Variants in EXOC6B observed in about 807,000 individuals in gnomAD.
EXOC6B encodes the protein SEC15 homolog B.
Under a neutral mutation model 113.5 loss-of-function variants are expected in EXOC6B, and 54 were observed. That is an observed-to-expected ratio of 0.48 (90% CI 0.38 to 0.60). EXOC6B has a LOEUF of 0.60. Among genes scored for constraint, EXOC6B ranks in the 20% least tolerant of loss-of-function variants. The pLI, the probability that EXOC6B is intolerant of heterozygous loss-of-function variation, is 0.00. For synonymous variants in EXOC6B, 357 were observed against 339.0 expected, an observed-to-expected ratio of 1.05 and a Z score of -0.58; for missense variants, 797 against 977.5, an observed-to-expected ratio of 0.82 and a Z score of 2.46.
intron 19 of EXOC6B, among the ~76,000 whole-genome samples, chr2:72,364,440 A>C (rs1243868523): frequency 6.6e-6 from 1 of 152,116 alleles, no homozygotes; most frequent in Non-Finnish European, 1.5e-5. Context: ...AGCCCTTCAA[A>C]TGTTGGCTTC....
At chr2:72,353,349 G>T (rs1195031092) in intron 19 of EXOC6B, among the ~76,000 whole-genome samples, 3 of 142,260 alleles carry the variant, frequency 2.1e-5, no homozygotes, top group Admixed American at 6.8e-5. Context: ...TTTATATTTT[G>T]TTGTATTGTA....
chr2:72,246,927 C>G (rs755547366), intron 20 of EXOC6B, among the ~76,000 whole-genome samples: 1 of 152,102 alleles, frequency 6.6e-6, no homozygotes, highest in Non-Finnish European at 1.5e-5. Flanking sequence ...AAAGAGATGG[C>G]CTTCTAAGAA....
intron 7 of EXOC6B, among the ~76,000 whole-genome samples, chr2:72,569,593 C>T (rs1704400038): frequency 6.6e-6 from 1 of 152,150 alleles, no homozygotes; most frequent in African/African-American, 2.4e-5. Context: ...ATTGTGTAGG[C>T]CAACAACCAG....
chr2:72,223,326 T>C (rs554970315), intron 20 of EXOC6B, among the ~76,000 whole-genome samples: 1 of 152,126 alleles, frequency 6.6e-6, no homozygotes, highest in Admixed American at 6.5e-5. Flanking sequence ...AACCACCAAG[T>C]TATGAGTGCA....
intron 8 of EXOC6B, among the ~76,000 whole-genome samples, chr2:72,516,077 T>C (rs1009121106): frequency 7.9e-5 from 12 of 152,154 alleles, no homozygotes; most frequent in Admixed American, 3.3e-4. Context: ...ATGGCCCTTA[T>C]CATGCCTTGA....
At chr2:72,481,895 A>G (rs1363759770) in intron 16 of EXOC6B, among the ~76,000 whole-genome samples, 1 of 152,242 alleles carries the variant, frequency 6.6e-6, no homozygotes, top group Admixed American at 6.5e-5. Context: ...TTGTCTGTAT[A>G]GAATTAAGGA....
intron 18 of EXOC6B, chr2:72,463,689 T>C (rs1279031344): frequency 1.3e-5 from 2 of 152,168 alleles, no homozygotes; most frequent in Non-Finnish European, 2.9e-5. Flanking sequence ...GCCAAAATCT[T>C]TGAAAAGCAA....
chr2:72,278,552 T>C (rs1371083629), intron 20 of EXOC6B, among the ~76,000 whole-genome samples: 4 of 152,186 alleles, frequency 2.6e-5, no homozygotes, highest in African/African-American at 9.6e-5. Flanking sequence ...CAAATATATA[T>C]TGATATCCTC....
chr2:72,227,694 C>T (rs915408610), intron 20 of EXOC6B, among the ~76,000 whole-genome samples: 6 of 152,158 alleles, frequency 3.9e-5, no homozygotes, highest in African/African-American at 1.2e-4. Context: ...ATATTGGCCA[C>T]AAAGATGCTA....
At chr2:72,759,101 T>C (rs1043909623) in intron 1 of EXOC6B, among the ~76,000 whole-genome samples, 3 of 152,226 alleles carry the variant, frequency 2.0e-5, no homozygotes, top group Non-Finnish European at 4.4e-5. Context: ...TACCACTTAA[T>C]AGTTGTGTGA....
At chr2:72,396,327 A>C (rs1692722852) in intron 18 of EXOC6B, among the ~76,000 whole-genome samples, 1 of 152,158 alleles carries the variant, frequency 6.6e-6, no homozygotes, top group Non-Finnish European at 1.5e-5. Context: ...AGGAAACCTG[A>C]AAGACTGCCT....
At chr2:72,381,467 G>A (rs1253315734) in intron 18 of EXOC6B, among the ~76,000 whole-genome samples, 3 of 152,070 alleles carry the variant, frequency 2.0e-5, no homozygotes, top group African/African-American at 7.2e-5. Context: ...TGACTACAGT[G>A]TCCCTTTTAT....
At chr2:72,308,228 A>G (rs1383451997) in intron 20 of EXOC6B, among the ~76,000 whole-genome samples, 3 of 152,190 alleles carry the variant, frequency 2.0e-5, no homozygotes, top group Non-Finnish European at 4.4e-5. Flanking sequence ...TCCACTGCAT[A>G]TGCCCAACCA....
At chr2:72,535,227 A>G (rs1405478122) in intron 8 of EXOC6B, among the ~76,000 whole-genome samples, 1 of 152,196 alleles carries the variant, frequency 6.6e-6, no homozygotes, top group East Asian at 1.9e-4. Context: ...TTCAGAGTCT[A>G]TTGTGCTACT....
rs560425305 is a variant in EXOC6B, at chr2:72,300,395, G to A, written c.2196+34552C>T. The stretch of plus-strand genomic sequence containing the variant: ...CCTACACCAAACTTGAGCATCCCAG[G>A]TCGACCTCAGACTGCTGTGCTAGCA... On this transcript the variant is annotated intron_variant, in intron 20 of 21. Transcript: ENST00000272427. Among the ~76,000 whole-genome samples the A allele has an allele frequency of 3.5e-4, 54 of 152,256 alleles. No homozygotes were observed. The South Asian group carries it at 0.011, about 30-fold the overall frequency.
At chr2:72,206,184 C>T (rs144348717) in intron 20 of EXOC6B, among the ~76,000 whole-genome samples, 1 of 152,142 alleles carries the variant, frequency 6.6e-6, no homozygotes, top group South Asian at 2.1e-4. Context: ...GTAATTGAGG[C>T]ACAGGACAAT....
chr2:72,297,929 A>C (rs771135492), intron 20 of EXOC6B, among the ~76,000 whole-genome samples: 1 of 152,170 alleles, frequency 6.6e-6, no homozygotes, highest in Non-Finnish European at 1.5e-5. Flanking sequence ...ACTTAAGAAT[A>C]AGTGCAATGT....
At chr2:72,474,455 C>G (rs1159265720) in intron 17 of EXOC6B, among the ~76,000 whole-genome samples, 3 of 151,716 alleles carry the variant, frequency 2.0e-5, no homozygotes, top group African/African-American at 7.3e-5. Flanking sequence ...TTTGCTCATT[C>G]TTTTTTTAGT....
intron 20 of EXOC6B, among the ~76,000 whole-genome samples, chr2:72,262,432 A>G (rs1683787828): frequency 1.3e-5 from 2 of 152,106 alleles, no homozygotes; most frequent in South Asian, 4.1e-4. Context: ...TATCCCTGAT[A>G]TTAAAGACAG....
Sources: gnomAD v4.1 joint callset for allele counts (sites outside exome capture counted in the v4.1 genomes callset) on GRCh38, gnomAD v4.1.1 for gene constraint, MANE v1.5 for transcripts, NCBI Gene and HGNC (gene_info 2026-07-23, HGNC 2026-07-21) for gene names.